MEF2C: variants seen among roughly 807,000 people sequenced by gnomAD.
The protein encoded by MEF2C is myocyte enhancer factor 2C, also known as myocyte-specific enhancer factor 2C.
Under a neutral mutation model 50.5 loss-of-function variants are expected in MEF2C, and 6 were observed. The ratio of observed to expected loss-of-function variants is 0.12; its 90% confidence interval spans 0.07 to 0.23. The LOEUF (loss-of-function observed/expected upper bound fraction) is 0.23. Among genes scored for constraint, MEF2C ranks in the 10% least tolerant of loss-of-function variants. The pLI is 1.00. For synonymous variants in MEF2C, 183 were observed against 228.0 expected (o/e 0.80, Z 1.78); for missense variants, 276 against 605.0 (o/e 0.46, Z 5.70).
intron 2 of MEF2C, among the ~76,000 whole-genome samples, chr5:88,821,058 C>G (rs963501631): frequency 6.6e-6 from 1 of 151,812 alleles, no homozygotes; most frequent in African/African-American, 2.4e-5. Context: ...ACCCTAAATT[C>G]TAAAGAATAA....
intron 3 of MEF2C, among the ~76,000 whole-genome samples, chr5:88,763,715 C>T (rs572916877): frequency 6.8e-4 from 102 of 150,094 alleles, no homozygotes; most frequent in Admixed American, 4.0e-4. Flanking sequence ...TGCAGTGTGG[C>T]GTGGTCATAG....
At chr5:88,797,783 C>T (rs1195411311) in intron 3 of MEF2C, among the ~76,000 whole-genome samples, 2 of 152,070 alleles carry the variant, frequency 1.3e-5, no homozygotes, top group African/African-American at 4.8e-5. Flanking sequence ...TGGCTGTTAC[C>T]AGTTTTTCCT....
At chr5:88,849,086 G>A (rs1469272029) in intron 1 of MEF2C, among the ~76,000 whole-genome samples, 2 of 149,136 alleles carry the variant, frequency 1.3e-5, no homozygotes, top group Admixed American at 1.4e-4. Context: ...GGGAGGCAGA[G>A]GTTGCAGTGA....
At chr5:88,787,847 T>G (rs1791734114) in intron 3 of MEF2C, among the ~76,000 whole-genome samples, 3 of 152,234 alleles carry the variant, frequency 2.0e-5, no homozygotes, top group Admixed American at 1.3e-4. Context: ...ATTTCTACGT[T>G]CTTACTACTC....
At chr5:88,782,065 C>A (rs890964121) in intron 3 of MEF2C, 2 of 863,946 alleles carry the variant, frequency 2.3e-6, no homozygotes, top group Non-Finnish European at 2.8e-6. Flanking sequence ...GGCAACCTAG[C>A]GAGACTCTGT....
intron 2 of MEF2C, among the ~76,000 whole-genome samples, chr5:88,819,639 T>C (rs545582617): frequency 3.3e-5 from 5 of 152,136 alleles, no homozygotes; most frequent in Admixed American, 6.6e-5. Flanking sequence ...GTACCTCCTA[T>C]TATTCTTTCA....
rs1554103551 is a variant in MEF2C, at chr5:88,734,561, G to GTTTTTTT, written c.638-2661_638-2660insAAAAAAA. On this transcript the variant is annotated intron_variant, in intron 6 of 10. Transcript: ENST00000504921. ...ATGCTTCACGGAGGCCTTGAGAAAA[G>GTTTTTTT]TTTGTTTTTTTTTTTTTTTTTTTTT... is the stretch of plus-strand genomic sequence containing the variant. The GTTTTTTT allele has an allele frequency of 2.4e-4, 61 of 254,332 alleles. 1 individual carries two copies. The highest frequency in any genetic ancestry group is 2.2e-3 in the Middle Eastern group (1 of 460). The allele number at this position is 254,332 out of a possible 1,614,324, so 15.8% of individuals were successfully genotyped here.
chr5:88,738,084 A>C (rs1419245253), intron 6 of MEF2C: 1 of 985,190 alleles, frequency 1.0e-6, no homozygotes, highest in Non-Finnish European at 1.2e-6. Context: ...GGAGTTGGGG[A>C]CAAAAAAAAG....
chr5:88,870,821 T>C (rs758620687), intron 1 of MEF2C, among the ~76,000 whole-genome samples: 13 of 152,072 alleles, frequency 8.5e-5, no homozygotes, highest in Non-Finnish European at 1.6e-4. Flanking sequence ...AACACTAAAC[T>C]TATAAAAACC....
chr5:88,876,991 C>T (rs1029122258), intron 1 of MEF2C, among the ~76,000 whole-genome samples: 2 of 152,026 alleles, frequency 1.3e-5, no homozygotes, highest in Non-Finnish European at 2.9e-5. Flanking sequence ...CCTCTAAAAA[C>T]AAGTTTTGGG....
intron 4 of MEF2C, chr5:88,752,881 C>CT (rs1008606914): frequency 5.5e-5 from 27 of 487,156 alleles, no homozygotes; most frequent in East Asian, 1.5e-4. Flanking sequence ...ATTGTAGCTA[C>CT]TTTTTTTTAA....
At chr5:88,801,618 C>T (rs966527043) in intron 3 of MEF2C, among the ~76,000 whole-genome samples, 4 of 151,862 alleles carry the variant, frequency 2.6e-5, no homozygotes, top group African/African-American at 9.7e-5. Context: ...TCTCGAGTAA[C>T]TGGGACTACA....
At chr5:88,881,140 G>A (rs1277923553) in intron 1 of MEF2C, 3 of 152,084 alleles carry the variant, frequency 2.0e-5, no homozygotes, top group East Asian at 3.8e-4. Flanking sequence ...TCTCTTTGAC[G>A]GGAGAACCAA....
chr5:88,820,312 C>A (rs1444156386), intron 2 of MEF2C, among the ~76,000 whole-genome samples: 1 of 151,740 alleles, frequency 6.6e-6, no homozygotes, highest in Non-Finnish European at 1.5e-5. Context: ...AACTATTTTA[C>A]GTATTGATGT....
chr5:88,731,160 T>C lies in MEF2C; in HGVS notation c.810+569A>G, dbSNP rs554027927. On this transcript the variant is annotated intron_variant, in intron 7 of 10. Coordinates refer to ENST00000504921, the MANE Select transcript of MEF2C (RefSeq NM_002397.5). ...TAAAATGCCTAGGATTTTAATTTGC[T>C]TTTGAGAGATAGCTATTTTCATGAA... Among the ~76,000 whole-genome samples the C allele has an allele frequency of 2.0e-5, 3 of 152,318 alleles. No homozygotes were observed. The South Asian group carries it at 6.2e-4, about 32-fold the overall frequency.
At chr5:88,833,228 A>T (rs924249548) in intron 1 of MEF2C, among the ~76,000 whole-genome samples, 19 of 152,152 alleles carry the variant, frequency 1.2e-4, no homozygotes, top group Admixed American at 1.1e-3. Context: ...TGATATAGAA[A>T]ATACTTACCA....
intron 6 of MEF2C, chr5:88,738,686 A>G: frequency 1.0e-6 from 1 of 985,336 alleles, no homozygotes. Flanking sequence ...GGGGATACAA[A>G]TGAAGAGAGG....
intron 1 of MEF2C, among the ~76,000 whole-genome samples, chr5:88,891,129 A>G (rs1467635612): frequency 6.6e-6 from 1 of 152,244 alleles, no homozygotes; most frequent in African/African-American, 2.4e-5. Flanking sequence ...TATTATTGGT[A>G]GTGTCATAGA....
chr5:88,808,860 A>G (rs1467342599), intron 2 of MEF2C, among the ~76,000 whole-genome samples: 3 of 152,046 alleles, frequency 2.0e-5, no homozygotes, highest in South Asian at 4.1e-4. Flanking sequence ...TGATGGTTAC[A>G]TTTTTCTTAA....
Sources: allele counts gnomAD v4.1 joint callset (sites outside exome capture counted in the v4.1 genomes callset), GRCh38; gene constraint gnomAD v4.1.1; transcripts MANE v1.5; gene names NCBI Gene and HGNC (gene_info 2026-07-23, HGNC 2026-07-21).